The following TMCC3 variants were observed in gnomAD, a reference collection of about 807,000 sequenced individuals.
TMCC3 encodes transmembrane and coiled-coil domain family 3, also known as transmembrane and coiled-coil domain protein 3.
Under a neutral mutation model 40.2 loss-of-function variants are expected in TMCC3, and 28 were observed. The observed-to-expected ratio is 0.70, with a 90% CI of 0.52 to 0.95. The LOEUF is 0.95. Ranked by LOEUF, TMCC3 falls within the 40% of genes least tolerant of loss-of-function variation. The pLI, the probability that TMCC3 is intolerant of heterozygous loss-of-function variation, is 0.00. For missense variants in TMCC3, 554 were observed against 615.2 expected (o/e 0.90, Z 1.05); for synonymous variants, 255 against 248.5 (o/e 1.03, Z -0.25).
chr12:94,585,074 TA>T (rs1309424065), intron 1 of TMCC3, among the ~76,000 whole-genome samples: 1 of 152,138 alleles, frequency 6.6e-6, no homozygotes, highest in Non-Finnish European at 1.5e-5. Flanking sequence ...TCACTGAGGC[TA>T]AAAATTTGAT....
intron 1 of TMCC3, chr12:94,598,695 G>A (rs1472814856): frequency 2.0e-6 from 2 of 985,306 alleles, no homozygotes; most frequent in Admixed American, 1.2e-4. Flanking sequence ...TCAATAAGAG[G>A]AGGCTTTCTT....
chr12:94,646,784 A>G (rs2069022133), intron 1 of TMCC3, among the ~76,000 whole-genome samples: 1 of 149,414 alleles, frequency 6.7e-6, no homozygotes, highest in Admixed American at 6.7e-5. Context: ...TTTAAGACAC[A>G]CAATCACTCC....
At chr12:94,636,277 G>GCC (rs1194656501) in intron 1 of TMCC3, among the ~76,000 whole-genome samples, 2 of 152,158 alleles carry the variant, frequency 1.3e-5, no homozygotes, top group Non-Finnish European at 2.9e-5. Context: ...TATATTAGGA[G>GCC]AACATGGGCA....
intron 1 of TMCC3, among the ~76,000 whole-genome samples, chr12:94,636,402 C>T (rs117404123): frequency 1.1e-3 from 164 of 152,266 alleles, no homozygotes; most frequent in East Asian, 6.7e-3. Context: ...ATTTATTCAG[C>T]GCTTGCTATC....
chr12:94,577,999 A>T (rs1203696943), intron 3 of TMCC3, among the ~76,000 whole-genome samples: 1 of 151,562 alleles, frequency 6.6e-6, no homozygotes, highest in Non-Finnish European at 1.5e-5. Context: ...ATACAAAAAA[A>T]TTAGCCAGGC....
At chr12:94,631,023 G>A (rs1824905351) in intron 1 of TMCC3, among the ~76,000 whole-genome samples, 2 of 152,194 alleles carry the variant, frequency 1.3e-5, no homozygotes, top group Non-Finnish European at 2.9e-5. Context: ...GATTACATGC[G>A]TGAGCCACGG....
Position 94,581,824 on chromosome 12 carries a change from C to T in TMCC3, c.793G>A (p.Ala265Thr). ...DECSSGTSGS[A>T]DSNGNQSFGA... is the part of the protein sequence containing the mutation. ...AACGACTGGTTTCCGTTACTGTCGG[C>T]CGAGCCTGACGTGCCACTCGAACAT... The change falls in exon 2 of 4, where the codon GCC becomes ACC. Residue 265 changes from alanine (A) to threonine (T), a missense_variant. Coordinates refer to ENST00000261226, the MANE Select transcript of TMCC3 (RefSeq NM_020698.4). 1 of 1,613,998 alleles carries T rather than the reference C, an allele frequency of 6.2e-7. No homozygotes were observed. Among genetic ancestry groups the T allele is most frequent in the Non-Finnish European group, 8.5e-7 (1 of 1,179,866 alleles).
chr12:94,637,895 A>G (rs182974139), intron 1 of TMCC3, among the ~76,000 whole-genome samples: 168 of 152,330 alleles, frequency 1.1e-3, no homozygotes, highest in Admixed American at 1.4e-3. Context: ...CATTCAGTCA[A>G]TATTTACAAA....
intron 1 of TMCC3, chr12:94,616,498 T>C (rs1343422656): frequency 6.6e-6 from 1 of 152,288 alleles, no homozygotes; most frequent in Non-Finnish European, 1.5e-5. Context: ...GATTCATTCA[T>C]GAGACAGACA....
rs1241557874 is a variant in TMCC3 at position 94,578,390 on chromosome 12, G to C, written c.1131+4C>G. On this transcript the variant is annotated splice_donor_region_variant and intron_variant, in intron 3 of 3. Coordinates refer to ENST00000261226, the MANE Select transcript of TMCC3 (RefSeq NM_020698.4). ...CCTGTGTCTAATCACAAAGGGAAAG[G>C]TACCTGGATGTCCCGCGAGCGCTCG... is the stretch of plus-strand genomic sequence containing the variant. 6.2e-7 allele frequency: 1 copy of C among 1,613,552 alleles called. No individual in the cohort carries two copies. Among genetic ancestry groups the C allele is most frequent in the Non-Finnish European group, 8.5e-7 (1 of 1,179,658 alleles).
chr12:94,586,081 T>A (rs1273105287), intron 1 of TMCC3, among the ~76,000 whole-genome samples: 2 of 152,214 alleles, frequency 1.3e-5, no homozygotes, highest in African/African-American at 4.8e-5. Flanking sequence ...CAATTCCAGG[T>A]GAAGATGGCT....
rs2068917624 is a variant in TMCC3, at chr12:94,628,912, T to C, written c.78+21441A>G. Among the ~76,000 whole-genome samples the C allele has an allele frequency of 2.0e-5, 3 of 152,200 alleles. No individual in the cohort carries two copies. In the East Asian group the frequency reaches 5.8e-4, roughly 29 times the overall value. ...ATAAAACCTCACTGAGAGATGGCACTATAATTTCTTGAGTTTGCGTCATTC... is the reference window on the plus strand; with the variant it reads ...ATAAAACCTCACTGAGAGATGGCACCATAATTTCTTGAGTTTGCGTCATTC... On this transcript the variant is annotated intron_variant, in intron 1 of 3. Transcript: ENST00000261226.
chr12:94,590,103 T>C (rs764928316), intron 1 of TMCC3, among the ~76,000 whole-genome samples: 6 of 105,766 alleles, frequency 5.7e-5, no homozygotes, highest in African/African-American at 6.8e-5. Flanking sequence ...ATAAAATCTA[T>C]TCTTTTTTTT....
chr12:94,638,884 T>C (rs566856334), intron 1 of TMCC3, among the ~76,000 whole-genome samples: 8 of 152,336 alleles, frequency 5.3e-5, no homozygotes, highest in African/African-American at 1.9e-4. Context: ...TTCTTTATTT[T>C]TGGACAAGTG....
rs571710247 is a variant in TMCC3, at chr12:94,567,496, A to C, written c.*3939T>G. 6.6e-6 allele frequency: 1 copy of C among 152,346 alleles called. No individual in the cohort carries two copies. Among genetic ancestry groups the C allele is most frequent in the Non-Finnish European group, 1.5e-5 (1 of 68,030 alleles). The allele number at this position is 152,346 out of a possible 1,614,324, so 9.4% of individuals were successfully genotyped here. A position where few individuals can be genotyped will look rare whatever the true frequency, so the allele number is the denominator to read the frequency against. On this transcript the variant is annotated 3_prime_UTR_variant, in exon 4 of 4. Coordinates refer to ENST00000261226, the MANE Select transcript of TMCC3 (RefSeq NM_020698.4). ...AAACAATCAAGGTGCATTACTTTCTAGCTTCTTATAAATTAAACTGTACTG... is the reference window on the plus strand; with the variant it reads ...AAACAATCAAGGTGCATTACTTTCTCGCTTCTTATAAATTAAACTGTACTG...
chr12:94,644,402 C>A, intron 1 of TMCC3: 1 of 985,398 alleles, frequency 1.0e-6, no homozygotes, highest in Non-Finnish European at 1.2e-6. Flanking sequence ...ACCTTAGCAG[C>A]AGTCCTGGAG....
intron 1 of TMCC3, among the ~76,000 whole-genome samples, chr12:94,628,004 A>T (rs2068912772): frequency 6.6e-6 from 1 of 152,244 alleles, no homozygotes; most frequent in African/African-American, 2.4e-5. Flanking sequence ...CATTTTAAGT[A>T]CAATCCACAT....
intron 1 of TMCC3, among the ~76,000 whole-genome samples, chr12:94,604,660 A>AAG (rs58415235): frequency 1.3e-5 from 2 of 149,798 alleles, no homozygotes; most frequent in Non-Finnish European, 3.0e-5. Flanking sequence ...AAAAAAAAAA[A>AAG]TGCTGCGTGT....
intron 1 of TMCC3, among the ~76,000 whole-genome samples, chr12:94,639,668 A>AAC (rs3073591): frequency 0.053 from 6,583 of 124,040 alleles, 198 homozygotes; most frequent in African/African-American, 0.078. Flanking sequence ...CATATATGTA[A>AAC]ACACACACAC....
Sources: allele counts gnomAD v4.1 joint callset (sites outside exome capture counted in the v4.1 genomes callset), GRCh38; gene constraint gnomAD v4.1.1; transcripts MANE v1.5; gene names NCBI Gene and HGNC (gene_info 2026-07-23, HGNC 2026-07-21).